E2F6: variants seen among roughly 807,000 people sequenced by gnomAD.
E2F6 encodes the protein transcription factor E2F6.
Under a neutral mutation model 31.5 loss-of-function variants are expected in E2F6, and 19 were observed. The ratio of observed to expected loss-of-function variants is 0.60; its 90% CI spans 0.42 to 0.89. The LOEUF (loss-of-function observed/expected upper bound fraction) is 0.89. Ranked by LOEUF, E2F6 falls within the 40% of genes least tolerant of loss-of-function variation. The pLI is 0.00. For missense variants in E2F6, 269 were observed against 341.6 expected (o/e 0.79, Z 1.67); for synonymous variants, 121 against 127.7 (o/e 0.95, Z 0.36).
Position 11,447,753 on chromosome 2 carries a change from T to C in E2F6, c.673A>G (p.Arg225Gly). ...PREDSITVHI[R>G]STNGPIDVYL... is the part of the protein sequence containing the mutation. Reference sequence around the variant, plus strand: ...ACATCGATAGGTCCGTTGGTGCTCCTTATGTGCACTGTGATAGAGTCCTAG... The same window carrying C: ...ACATCGATAGGTCCGTTGGTGCTCCCTATGTGCACTGTGATAGAGTCCTAG... Residue 225 changes from arginine to glycine, a missense_variant, in exon 6 of 7, where the codon AGG becomes GGG. By Grantham distance (125) the Arg-to-Gly change is moderately radical. Coordinates refer to ENST00000381525, the MANE Select transcript of E2F6 (RefSeq NM_198256.4). 1 of 1,612,282 alleles carries C rather than the reference T, an allele frequency of 6.2e-7. No individual in the cohort carries two copies. The highest frequency in any genetic ancestry group is 1.1e-5 in the South Asian group (1 of 90,966).
chr2:11,451,134 A>G (rs1671036162), intron 4 of E2F6: 1 of 152,228 alleles, frequency 6.6e-6, no homozygotes, highest in South Asian at 2.1e-4. Flanking sequence ...GAAAAACATG[A>G]ACTTCACAAA....
At chr2:11,448,133 T>C (rs116290286) in intron 5 of E2F6, among the ~76,000 whole-genome samples, 42 of 152,280 alleles carry the variant, frequency 2.8e-4, no homozygotes, top group African/African-American at 9.9e-4. Flanking sequence ...GAACAGGTCT[T>C]GAGATAATGG....
At chr2:11,450,211 A>G (rs1670976638) in intron 4 of E2F6, 85 bp from the exon 5 acceptor site, 1 of 771,824 alleles carries the variant, frequency 1.3e-6, no homozygotes, top group Non-Finnish European at 2.0e-6. Flanking sequence ...ACGCAAGGGT[A>G]ATGTTAGAAT....
intron 6 of E2F6, among the ~76,000 whole-genome samples, chr2:11,446,831 T>C (rs1327016426): frequency 6.6e-6 from 1 of 152,228 alleles, no homozygotes; most frequent in Non-Finnish European, 1.5e-5. Context: ...CCTTGTGTCT[T>C]TGTGCTGTTG....
chr2:11,446,667 A>C (rs1365282514), intron 6 of E2F6, 144 bp from the exon 7 acceptor site: 1 of 641,848 alleles, frequency 1.6e-6, no homozygotes, highest in Non-Finnish European at 2.7e-6. Flanking sequence ...TTCTCAGGTT[A>C]ATGGCATAAG....
intron 2 of E2F6, among the ~76,000 whole-genome samples, chr2:11,456,207 T>C (rs1351694200): frequency 6.6e-6 from 1 of 152,216 alleles, no homozygotes; most frequent in East Asian, 1.9e-4. Flanking sequence ...AAATCAAATA[T>C]ACAAGGAATC....
chr2:11,451,348 CTTT>C (rs61072678), intron 4 of E2F6: 36 of 105,666 alleles, frequency 3.4e-4, no homozygotes, highest in South Asian at 1.0e-3. Context: ...TTTTACCTAA[CTTT>C]TTTTTTTTTT....
At chr2:11,463,958 G>GGGA (rs56958029) in intron 1 of E2F6, among the ~76,000 whole-genome samples, 2 of 106,360 alleles carry the variant, frequency 1.9e-5, no homozygotes, top group Non-Finnish European at 4.0e-5. Flanking sequence ...CGGGGGGGGG[G>GGGA]ACAAAAACAA....
At position 11,449,713 on chromosome 2, in the gene E2F6, G is replaced by A. The variant is rs1670941082; in HGVS notation, c.651+299C>T. Among the ~76,000 whole-genome samples the A allele has an allele frequency of 2.6e-5, 4 of 152,164 alleles. No homozygotes were observed. In the South Asian group the frequency reaches 8.3e-4, roughly 32 times the overall value. On this transcript the variant is annotated intron_variant, in intron 5 of 6. Coordinates refer to ENST00000381525, the MANE Select transcript of E2F6 (RefSeq NM_198256.4). ...CAATTCTTGGTGATTCTTCTAAGAA[G>A]CACTGCAGTACAATAGTGAAAAGCA...
At chr2:11,456,412 A>G (rs1242782046) in intron 2 of E2F6, among the ~76,000 whole-genome samples, 1 of 152,204 alleles carries the variant, frequency 6.6e-6, no homozygotes, top group Admixed American at 6.5e-5. Flanking sequence ...AACGAGAAGA[A>G]GCAATTCAAC....
chr2:11,460,811 G>T (rs1671729406), intron 1 of E2F6, among the ~76,000 whole-genome samples: 1 of 152,164 alleles, frequency 6.6e-6, no homozygotes, highest in Admixed American at 6.5e-5. Context: ...TAACAGAATG[G>T]TATTTGTGCA....
At chr2:11,446,550 C>G in intron 6 of E2F6, 27 bp from the exon 7 acceptor site, 2 of 1,602,770 alleles carry the variant, frequency 1.2e-6, no homozygotes, top group Non-Finnish European at 1.7e-6. Flanking sequence ...GAGAGAAATA[C>G]ACCTAAGTGA....
chr2:11,451,826 T>G lies in E2F6; in HGVS notation c.381-20A>C. 1 of 1,598,854 alleles carries G rather than the reference T, an allele frequency of 6.3e-7. No homozygotes were observed. ...GATCCTCTTTAGAAGAAAAAAAATG[T>G]CAGCATCAATACCAACTAGGAGATA... On this transcript the variant is annotated intron_variant, in intron 3 of 6. Transcript: ENST00000381525.
intron 1 of E2F6, chr2:11,458,499 C>A: frequency 1.3e-6 from 1 of 756,616 alleles, no homozygotes; most frequent in East Asian, 2.7e-5. Flanking sequence ...GGCATGCTGG[C>A]ACCACATAAA....
At chr2:11,460,407 G>A (rs539521170) in intron 1 of E2F6, among the ~76,000 whole-genome samples, 5 of 152,002 alleles carry the variant, frequency 3.3e-5, no homozygotes, top group South Asian at 2.1e-4. Flanking sequence ...CCTCTTTCCC[G>A]TTTGTCCTTG....
At position 11,465,875 on chromosome 2, in the gene E2F6, C is replaced by G; in HGVS notation, c.5G>C (p.Ser2Thr). 6.4e-7 allele frequency: 1 copy of G among 1,556,410 alleles called. No homozygotes were observed. Among genetic ancestry groups the G allele is most frequent in the Non-Finnish European group, 8.7e-7 (1 of 1,150,744 alleles). ...TAACTTCCTCGCCGGCCGCTGCTGACTCATGCTGCCCGGCCGGGCGTCCTG... is the reference window on the plus strand; with the variant it reads ...TAACTTCCTCGCCGGCCGCTGCTGAGTCATGCTGCCCGGCCGGGCGTCCTG... MSQQRPARKLPS... is the reference protein window; with the variant it reads MTQQRPARKLPS... Residue 2 changes from serine to threonine, a missense_variant, in exon 1 of 7, where the codon AGT (serine) becomes ACT (threonine). Physicochemically the swap from Ser to Thr is moderately conservative, Grantham distance 58. Coordinates refer to ENST00000381525, the MANE Select transcript of E2F6 (RefSeq NM_198256.4).
chr2:11,464,702 T>C (rs1242050782), intron 1 of E2F6, among the ~76,000 whole-genome samples: 2 of 152,070 alleles, frequency 1.3e-5, no homozygotes, highest in Non-Finnish European at 2.9e-5. Flanking sequence ...TCTACACTTA[T>C]TATCCAGCCA....
intron 1 of E2F6, among the ~76,000 whole-genome samples, chr2:11,458,517 C>T (rs1251896434): frequency 6.6e-6 from 1 of 152,208 alleles, no homozygotes; most frequent in Admixed American, 6.5e-5. Context: ...AAAACTAATG[C>T]TAAAGAGTTT....
At chr2:11,450,169 G>T in intron 4 of E2F6, 43 bp from the exon 5 acceptor site, 1 of 1,344,800 alleles carries the variant, frequency 7.4e-7, no homozygotes, top group Non-Finnish European at 1.0e-6. Flanking sequence ...GCTGTTTACT[G>T]GGGAGGTAAT....
Sources: allele counts gnomAD v4.1 joint callset (sites outside exome capture counted in the v4.1 genomes callset), GRCh38; gene constraint gnomAD v4.1.1; transcripts MANE v1.5; gene names NCBI Gene and HGNC (gene_info 2026-07-23, HGNC 2026-07-21).